Variants in SEM1 observed in about 807,000 individuals in gnomAD.
The protein encoded by SEM1 is SEM1 26S proteasome subunit.
In SEM1, 3 loss-of-function variants were observed where a neutral mutation model predicts 12.7. The observed-to-expected ratio is 0.24, with a 90% CI of 0.11 to 0.61. The LOEUF is 0.61. SEM1 is among the 20% of genes least tolerant of loss of function. The probability of loss-of-function intolerance (pLI) is 0.88; values close to 1 mark genes in which losing one functional copy is unlikely to be tolerated. For missense variants in SEM1, 59 were observed against 81.3 expected, an observed-to-expected ratio of 0.73 and a Z score of 1.06; for synonymous variants, 30 against 27.8, an observed-to-expected ratio of 1.08 and a Z score of -0.25.
intron 2 of SEM1, among the ~76,000 whole-genome samples, chr7:96,588,715 G>A (rs541263150): frequency 1.6e-4 from 25 of 152,120 alleles, no homozygotes; most frequent in South Asian, 8.3e-4. Flanking sequence ...GCAGTGAGCC[G>A]TGATTACACC....
chr7:96,485,053 A>G (rs577317963), intron 2 of SEM1, among the ~76,000 whole-genome samples: 1 of 152,294 alleles, frequency 6.6e-6, no homozygotes, highest in African/African-American at 2.4e-5. Context: ...GCACTATGCC[A>G]TGTTCAGCTC....
At chr7:96,508,666 G>A (rs1046632849) in intron 2 of SEM1, among the ~76,000 whole-genome samples, 4 of 152,108 alleles carry the variant, frequency 2.6e-5, no homozygotes, top group African/African-American at 9.7e-5. Context: ...CTGTCAATAG[G>A]ACTGCATCCC....
intron 2 of SEM1, chr7:96,622,831 A>G: frequency 3.6e-6 from 2 of 550,058 alleles, no homozygotes; most frequent in Admixed American, 3.1e-5. Context: ...GGGAAAACTT[A>G]CATAAATACA....
At chr7:96,543,993 C>A (rs757580637) in intron 2 of SEM1, among the ~76,000 whole-genome samples, 1 of 152,004 alleles carries the variant, frequency 6.6e-6, no homozygotes, top group African/African-American at 2.4e-5. Context: ...GAGTGTCCCA[C>A]AAATTATATA....
At chr7:96,502,137 T>G (rs1309161446) in intron 3 of SEM1, among the ~76,000 whole-genome samples, 1 of 152,128 alleles carries the variant, frequency 6.6e-6, no homozygotes, top group African/African-American at 2.4e-5. Context: ...TGTGGACTAT[T>G]TTATTTAATT....
chr7:96,638,213 G>A (rs1808487049), intron 2 of SEM1, among the ~76,000 whole-genome samples: 1 of 152,012 alleles, frequency 6.6e-6, no homozygotes, highest in Non-Finnish European at 1.5e-5. Context: ...GAAGACCAAA[G>A]TTAAGAATTC....
chr7:96,687,752 G>A, downstream of SEM1, among the ~76,000 whole-genome samples: 1 of 151,704 alleles, frequency 6.6e-6, no homozygotes. Context: ...CCTGCACATT[G>A]TGCACATGTA....
chr7:96,582,202 A>T (rs936115471), intron 2 of SEM1, among the ~76,000 whole-genome samples: 1 of 151,268 alleles, frequency 6.6e-6, no homozygotes, highest in Non-Finnish European at 1.5e-5. Flanking sequence ...ATTTTGTCAA[A>T]GGCCTTTTCT....
At chr7:96,690,537 T>C (rs1380442881) in intron 2 of SEM1, among the ~76,000 whole-genome samples, 1 of 151,766 alleles carries the variant, frequency 6.6e-6, no homozygotes, top group Non-Finnish European at 1.5e-5. Flanking sequence ...GGCTGCTGAG[T>C]GGAAAAATCA....
chr7:96,607,425 C>G (rs1807414114), intron 2 of SEM1, among the ~76,000 whole-genome samples: 1 of 151,932 alleles, frequency 6.6e-6, no homozygotes, highest in Non-Finnish European at 1.5e-5. Flanking sequence ...TATATTGAAT[C>G]AGAAAAAAGG....
downstream of SEM1, chr7:96,672,425 T>C (rs548767943): frequency 6.6e-6 from 1 of 152,306 alleles, no homozygotes; most frequent in East Asian, 1.9e-4. Context: ...TCCAGCTTCA[T>C]CCCTGCTGAG....
At chr7:96,688,714 G>T, downstream of SEM1, 1 of 429,476 alleles carries the variant, frequency 2.3e-6, no homozygotes, top group Non-Finnish European at 4.1e-6. Context: ...GGAAAATCAT[G>T]ACAAGAAAAT....
rs1393272057 is a variant in SEM1 at position 96,694,901 on chromosome 7, G to A, written c.77-10C>T. On this transcript the variant is annotated splice_polypyrimidine_tract_variant and intron_variant, in intron 1 of 2. Coordinates refer to ENST00000248566, the MANE Select transcript of SEM1 (RefSeq NM_006304.2). Reference sequence around the variant, plus strand: ...TCTAAGCCAGCCCAGTCTAAAAATAGAAACAGATGCTGTCTAAATATTTCT... The same window carrying A: ...TCTAAGCCAGCCCAGTCTAAAAATAAAAACAGATGCTGTCTAAATATTTCT... 4 of 1,570,946 alleles carry A rather than the reference G, an allele frequency of 2.5e-6. No individual in the cohort carries two copies. Among genetic ancestry groups the A allele is most frequent in the Non-Finnish European group, 3.5e-6 (4 of 1,142,810 alleles).
intron 2 of SEM1, among the ~76,000 whole-genome samples, chr7:96,600,218 A>G (rs1446276619): frequency 6.6e-6 from 1 of 152,210 alleles, no homozygotes; most frequent in Non-Finnish European, 1.5e-5. Flanking sequence ...TGAAAAGGTT[A>G]ATTCTTATGT....
At chr7:96,589,582 C>G (rs1002589388) in intron 2 of SEM1, among the ~76,000 whole-genome samples, 1 of 152,122 alleles carries the variant, frequency 6.6e-6, no homozygotes, top group Non-Finnish European at 1.5e-5. Flanking sequence ...TCTCCCATCT[C>G]CAGTGACATA....
chr7:96,520,225 C>T (rs903138554), intron 2 of SEM1, among the ~76,000 whole-genome samples: 3 of 152,110 alleles, frequency 2.0e-5, no homozygotes, highest in Non-Finnish European at 4.4e-5. Context: ...AAGACTTTGG[C>T]AGGAAACTGT....
At chr7:96,588,332 G>A (rs986956821) in intron 2 of SEM1, among the ~76,000 whole-genome samples, 1 of 150,466 alleles carries the variant, frequency 6.6e-6, no homozygotes, top group Non-Finnish European at 1.5e-5. Context: ...GTGCAACAGA[G>A]CAAGATCATG....
chr7:96,670,521 G>C (rs1377187263), downstream of SEM1, among the ~76,000 whole-genome samples: 1 of 152,110 alleles, frequency 6.6e-6, no homozygotes, highest in Non-Finnish European at 1.5e-5. Flanking sequence ...TAGATGCCAG[G>C]GAGATGGAGG....
At chr7:96,667,812 A>G (rs1789210499) in intron 2 of SEM1, among the ~76,000 whole-genome samples, 1 of 152,208 alleles carries the variant, frequency 6.6e-6, no homozygotes, top group Non-Finnish European at 1.5e-5. Flanking sequence ...CTTGAAAAAT[A>G]TTGTAAAGAA....
Sources: allele counts gnomAD v4.1 joint callset (sites outside exome capture counted in the v4.1 genomes callset), GRCh38; gene constraint gnomAD v4.1.1; transcripts MANE v1.5; gene names NCBI Gene and HGNC (gene_info 2026-07-23, HGNC 2026-07-21).